Variants in PAK1IP1 observed in about 807,000 individuals in gnomAD.
PAK1IP1 encodes the protein PAK1 interacting protein 1, also known as p21-activated protein kinase-interacting protein 1.
In PAK1IP1, 24 loss-of-function variants were observed where a neutral mutation model predicts 42.0. The ratio of observed to expected loss-of-function variants is 0.57; its 90% CI spans 0.41 to 0.80. The LOEUF (loss-of-function observed/expected upper bound fraction) is 0.80. Among genes scored for constraint, PAK1IP1 ranks in the 30% least tolerant of loss-of-function variants. The probability of loss-of-function intolerance (pLI) is 0.00; values close to 1 mark genes in which losing one functional copy is unlikely to be tolerated. For synonymous variants in PAK1IP1, 154 were observed against 156.7 expected (o/e 0.98, Z 0.13); for missense variants, 411 against 467.9 (o/e 0.88, Z 1.12).
At chr6:10,694,839 C>T (rs1769731067), upstream of PAK1IP1, 1 of 610,252 alleles carries the variant, frequency 1.6e-6, no homozygotes, top group Non-Finnish European at 2.9e-6. Context: ...ACGTTACAGG[C>T]GACTTAAAGG....
chr6:10,695,037 C>T lies in PAK1IP1; in HGVS notation c.52C>T (p.His18Tyr), dbSNP rs749417108. The T allele has an allele frequency of 1.2e-6, 2 of 1,601,842 alleles. No homozygotes were observed. The highest frequency in any genetic ancestry group is 1.7e-6 in the Non-Finnish European group (2 of 1,178,974). The change falls in exon 1 of 10, where the codon CAC (histidine) becomes TAC (tyrosine). Residue 18 changes from histidine to tyrosine, a missense_variant. Physicochemically the swap from His to Tyr is moderately conservative, Grantham distance 83. Transcript: ENST00000379568. The stretch of plus-strand genomic sequence containing the variant: ...GCAGGTCCTCTTTGGGTTCGCTGTA[C>T]ACCCGGAGCCCGAGGCTTGCGGCGA... ...YEQVLFGFAV[H>Y]PEPEACGDHE...
rs777791947 is a variant in PAK1IP1 at position 10,704,550 on chromosome 6, A to G, written c.540A>G (p.Val180=). 3.1e-6 allele frequency: 5 copies of G among 1,594,140 alleles called. No homozygotes were observed. Among genetic ancestry groups the G allele is most frequent in the Non-Finnish European group, 4.3e-6 (5 of 1,163,390 alleles). ...VEWSPRGEQY[V]VIIQNKIDIY... Reference sequence around the variant, plus strand: ...GGTCCCCAAGAGGAGAGCAGTATGTAGTTATCATACAGAATAAAATAGACA... The same window carrying G: ...GGTCCCCAAGAGGAGAGCAGTATGTGGTTATCATACAGAATAAAATAGACA... The change falls in exon 6 of 10, where the codon GTA becomes GTG. Residue 180 remains valine (V), a synonymous_variant. Transcript: ENST00000379568.
At chr6:10,691,059 C>G (rs925920393), upstream of PAK1IP1, among the ~76,000 whole-genome samples, 20 of 152,222 alleles carry the variant, frequency 1.3e-4, no homozygotes, top group Non-Finnish European at 1.5e-5. Flanking sequence ...AAAAGAGCAG[C>G]ATTGCTGGCT....
At chr6:10,707,666 C>T (rs1770247100) in intron 8 of PAK1IP1, 152 bp downstream of exon 8, 1 of 545,274 alleles carries the variant, frequency 1.8e-6, no homozygotes, top group African/African-American at 1.9e-5. Flanking sequence ...AATTAGGGTT[C>T]CCAGGGAGCT....
chr6:10,705,627 T>C (rs948801744), intron 7 of PAK1IP1, among the ~76,000 whole-genome samples: 1 of 152,192 alleles, frequency 6.6e-6, no homozygotes, highest in Non-Finnish European at 1.5e-5. Flanking sequence ...AGGGGGTAGA[T>C]AGTCTCAAAG....
At chr6:10,693,791 C>A (rs1402695229), upstream of PAK1IP1, among the ~76,000 whole-genome samples, 1 of 152,100 alleles carries the variant, frequency 6.6e-6, no homozygotes, top group Non-Finnish European at 1.5e-5. Flanking sequence ...TGCAGTGGAG[C>A]GATCTCGGCT....
At chr6:10,705,571 T>C (rs1032379148) in intron 7 of PAK1IP1, among the ~76,000 whole-genome samples, 5 of 152,176 alleles carry the variant, frequency 3.3e-5, no homozygotes, top group Non-Finnish European at 2.9e-5. Flanking sequence ...ATTGAGTTCC[T>C]GTTTTGTGCC....
chr6:10,702,111 G>A (rs922196229), intron 2 of PAK1IP1, among the ~76,000 whole-genome samples: 24 of 151,984 alleles, frequency 1.6e-4, no homozygotes, highest in Non-Finnish European at 2.6e-4. Flanking sequence ...ATATTGATGT[G>A]CACCTGTAGT....
chr6:10,706,988 A>G (rs901280362), intron 7 of PAK1IP1, among the ~76,000 whole-genome samples: 1 of 152,130 alleles, frequency 6.6e-6, no homozygotes, highest in African/African-American at 2.4e-5. Context: ...CCAGAGGAAA[A>G]ATGAGAGTGG....
upstream of PAK1IP1, among the ~76,000 whole-genome samples, chr6:10,691,441 C>G (rs1581567485): frequency 1.3e-5 from 2 of 152,064 alleles, no homozygotes; most frequent in Admixed American, 6.5e-5. Flanking sequence ...GTAATTAGAA[C>G]GGAACAGAAC....
rs922455813 is a variant in PAK1IP1, at chr6:10,707,643, T to C, written c.840+129T>C. Reference sequence around the variant, plus strand: ...AAATCTCTTCCAGGCATGATTGATATTAATGGTTTTAAAATTAGGGTTCCC... The same window carrying C: ...AAATCTCTTCCAGGCATGATTGATACTAATGGTTTTAAAATTAGGGTTCCC... On this transcript the variant is annotated intron_variant, in intron 8 of 9. Coordinates refer to ENST00000379568, the MANE Select transcript of PAK1IP1 (RefSeq NM_017906.3). The C allele has an allele frequency of 1.0e-5, 6 of 582,338 alleles. No individual in the cohort carries two copies. The South Asian group carries it at 1.2e-4, about 11-fold the overall frequency. The allele number at this position is 582,338 out of a possible 1,614,324, so 36.1% of individuals were successfully genotyped here.
intron 2 of PAK1IP1, among the ~76,000 whole-genome samples, chr6:10,698,311 T>C (rs777539015): frequency 6.7e-6 from 1 of 149,942 alleles, no homozygotes; most frequent in Non-Finnish European, 1.5e-5. Flanking sequence ...TGTAGCGTCA[T>C]AGCAATATCT....
chr6:10,702,689 C>T, intron 4 of PAK1IP1, 50 bp downstream of exon 4: 1 of 1,250,532 alleles, frequency 8.0e-7, no homozygotes, highest in Non-Finnish European at 1.2e-6. Context: ...TGTTTTACTA[C>T]AGCTCTCCAC....
At chr6:10,699,048 A>C (rs1210055062) in intron 2 of PAK1IP1, among the ~76,000 whole-genome samples, 2 of 151,838 alleles carry the variant, frequency 1.3e-5, no homozygotes, top group Non-Finnish European at 2.9e-5. Flanking sequence ...AAAATACATA[A>C]CCTTAGCTGG....
chr6:10,706,493 A>G (rs990524340), intron 7 of PAK1IP1, among the ~76,000 whole-genome samples: 1 of 152,134 alleles, frequency 6.6e-6, no homozygotes, highest in Non-Finnish European at 1.5e-5. Flanking sequence ...TGCTTCATCT[A>G]TATGCCCAGC....
intron 2 of PAK1IP1, 108 bp from the exon 3 acceptor site, chr6:10,702,261 G>GA: frequency 3.7e-6 from 3 of 814,436 alleles, no homozygotes; most frequent in Non-Finnish European, 5.7e-6. Context: ...AAAAGAAAAA[G>GA]AAAAAAAGGT....
At chr6:10,704,325 C>T (rs572719435) in intron 5 of PAK1IP1, among the ~76,000 whole-genome samples, 182 bp from the exon 6 acceptor site, 5 of 152,178 alleles carry the variant, frequency 3.3e-5, no homozygotes, top group African/African-American at 1.2e-4. Flanking sequence ...GCACCTGGCC[C>T]ACCTTTGACT....
chr6:10,694,158 G>A (rs903908544), upstream of PAK1IP1, among the ~76,000 whole-genome samples: 7 of 151,660 alleles, frequency 4.6e-5, no homozygotes, highest in African/African-American at 1.2e-4. Flanking sequence ...TACTCGGGAG[G>A]CTGAGGCAGG....
In PAK1IP1 at chr6:10,697,347, C is replaced by A. The variant is rs369987329; in HGVS notation, c.108C>A (p.Phe36Leu). The A allele has an allele frequency of 4.5e-5, 73 of 1,613,830 alleles. No individual in the cohort carries two copies. Among genetic ancestry groups the A allele is most frequent in the Non-Finnish European group, 5.8e-5 (69 of 1,179,892 alleles). Reference protein sequence around the residue: ...DHEQWTLVADFTHHAHTASLS... With the variant: ...DHEQWTLVADLTHHAHTASLS... ...AGCAATGGACTCTTGTGGCTGACTT[C>A]ACTCACCATGCTCACACTGCCTCCT... Residue 36 changes from phenylalanine to leucine, a missense_variant, in exon 2 of 10, where the codon TTC (phenylalanine) becomes TTA (leucine). Coordinates refer to ENST00000379568, the MANE Select transcript of PAK1IP1 (RefSeq NM_017906.3).
Sources: allele counts gnomAD v4.1 joint callset (sites outside exome capture counted in the v4.1 genomes callset), GRCh38; gene constraint gnomAD v4.1.1; transcripts MANE v1.5; gene names NCBI Gene and HGNC (gene_info 2026-07-23, HGNC 2026-07-21).